The following EIF2AK2 variants were observed in gnomAD, a reference collection of about 807,000 sequenced individuals.
EIF2AK2 encodes the protein interferon-induced, double-stranded RNA-activated protein kinase.
EIF2AK2 carries 40 observed loss-of-function variants against 70.5 expected under a neutral mutation model. That is an observed-to-expected ratio of 0.57 (90% CI 0.44 to 0.74). The LOEUF is 0.74. EIF2AK2 is among the 30% of genes least tolerant of loss of function. EIF2AK2 has a pLI of 0.00. For missense variants in EIF2AK2, 555 were observed against 644.3 expected (o/e 0.86, Z 1.50); for synonymous variants, 198 against 220.9 (o/e 0.90, Z 0.92).
intron 1 of EIF2AK2, among the ~76,000 whole-genome samples, chr2:37,155,897 T>C (rs1271048930): frequency 2.0e-5 from 3 of 146,802 alleles, no homozygotes; most frequent in Non-Finnish European, 4.5e-5. Flanking sequence ...GCCCAGATCG[T>C]GCCACTGCAT....
chr2:37,111,157 T>C (rs1193217306), intron 14 of EIF2AK2, among the ~76,000 whole-genome samples: 2 of 152,032 alleles, frequency 1.3e-5, no homozygotes, highest in Non-Finnish European at 2.9e-5. Flanking sequence ...GAGAGGAGAA[T>C]AGGAGTTCTT....
At chr2:37,137,617 A>ACTTTTTT (rs1675173003) in intron 8 of EIF2AK2, among the ~76,000 whole-genome samples, 3 of 152,226 alleles carry the variant, frequency 2.0e-5, no homozygotes, top group Non-Finnish European at 4.4e-5. Flanking sequence ...CTAAAAAATT[A>ACTTTTTT]TCTGATTTCA....
intron 10 of EIF2AK2, among the ~76,000 whole-genome samples, chr2:37,129,932 G>A (rs945967667): frequency 6.6e-6 from 1 of 152,060 alleles, no homozygotes; most frequent in Non-Finnish European, 1.5e-5. Context: ...CCTCAGCCCT[G>A]TAAATCCCAT....
intron 14 of EIF2AK2, among the ~76,000 whole-genome samples, chr2:37,110,554 G>A (rs185007435): frequency 5.9e-5 from 9 of 152,306 alleles, no homozygotes; most frequent in Admixed American, 5.9e-4. Flanking sequence ...GGCCTATTGT[G>A]TTCTATATTT....
At chr2:37,112,103 G>C (rs1257246433) in intron 14 of EIF2AK2, among the ~76,000 whole-genome samples, 1 of 151,674 alleles carries the variant, frequency 6.6e-6, no homozygotes. Context: ...ATGATGTTTA[G>C]TGATGTATGC....
chr2:37,118,515 G>C (rs1242715687), intron 13 of EIF2AK2, among the ~76,000 whole-genome samples: 2 of 152,070 alleles, frequency 1.3e-5, no homozygotes, highest in South Asian at 4.1e-4. Context: ...AGGACTAGGA[G>C]CTTAATGCCT....
At chr2:37,130,865 C>T (rs1478771268) in intron 10 of EIF2AK2, among the ~76,000 whole-genome samples, 1 of 152,208 alleles carries the variant, frequency 6.6e-6, no homozygotes, top group Non-Finnish European at 1.5e-5. Context: ...ATTCAACACA[C>T]AGCCAGGCTT....
chr2:37,117,280 G>C (rs1056834917), intron 13 of EIF2AK2, among the ~76,000 whole-genome samples: 2 of 151,616 alleles, frequency 1.3e-5, no homozygotes, highest in Admixed American at 1.3e-4. Flanking sequence ...GCTCATGCCT[G>C]TAATCCCAAC....
rs189434642 is a variant in EIF2AK2 at position 37,104,196 on chromosome 2, T to C, written c.*3077A>G. The C allele has an allele frequency of 6.6e-6, 1 of 151,936 alleles. No individual in the cohort carries two copies. The highest frequency in any genetic ancestry group is 1.5e-5 in the Non-Finnish European group (1 of 67,984). The allele number at this position is 151,936 out of a possible 1,614,324, so 9.4% of individuals were successfully genotyped here. A position where few individuals can be genotyped will look rare whatever the true frequency, so the allele number is the denominator to read the frequency against. On this transcript the variant is annotated 3_prime_UTR_variant, in exon 17 of 17. Transcript: ENST00000233057. ...ACAAAACAAAAAGACATTTTCTACA[T>C]ATACTATTATCACACCTGAGAAAAC...
At chr2:37,156,308 A>G (rs1460583455) in intron 1 of EIF2AK2, among the ~76,000 whole-genome samples, 1 of 152,150 alleles carries the variant, frequency 6.6e-6, no homozygotes, top group Non-Finnish European at 1.5e-5. Flanking sequence ...TTCTGATGAG[A>G]CAGGAAAGCT....
chr2:37,151,879 C>T (rs1573044263), intron 1 of EIF2AK2, among the ~76,000 whole-genome samples: 1 of 152,200 alleles, frequency 6.6e-6, no homozygotes, highest in African/African-American at 2.4e-5. Flanking sequence ...GAGATCGAGA[C>T]CACGGTGAAA....
chr2:37,127,014 T>A lies in EIF2AK2; in HGVS notation c.786-603A>T, dbSNP rs4648208. The stretch of plus-strand genomic sequence containing the variant: ...AAAAAAAAAAAAGCCATGATAAAAA[T>A]CCTATCACAAATACAAAATGTTCAA... On this transcript the variant is annotated intron_variant, in intron 10 of 16. Transcript: ENST00000233057. Among the ~76,000 whole-genome samples, 273 of 66,980 alleles carry A rather than the reference T, an allele frequency of 4.1e-3. 3 individuals are homozygous for A. In the East Asian group the frequency reaches 0.075, roughly 18 times the overall value. The allele number at this position is 66,980 out of a possible 152,430, so 43.9% of individuals were successfully genotyped here.
intron 1 of EIF2AK2, among the ~76,000 whole-genome samples, chr2:37,154,325 CAA>C (rs72236179): frequency 7.2e-6 from 1 of 139,588 alleles, no homozygotes; most frequent in Non-Finnish European, 1.6e-5. Context: ...AACTCCGTCT[CAA>C]AAAAAAAAAC....
intron 12 of EIF2AK2, among the ~76,000 whole-genome samples, chr2:37,121,249 C>T (rs140607671): frequency 0.049 from 5,114 of 104,470 alleles, 265 homozygotes; most frequent in Middle Eastern, 0.13. Context: ...TGCGACAGTG[C>T]GAGACACCGT....
In EIF2AK2 at chr2:37,109,784, A is replaced by G. The variant is rs4648238; in HGVS notation, c.1378-489T>C. ...GGTATGAGCAACAAAGTTTTTCCAGAAGATATTATTTTGAATGAAGAAATT... is the reference window on the plus strand; with the variant it reads ...GGTATGAGCAACAAAGTTTTTCCAGGAGATATTATTTTGAATGAAGAAATT... On this transcript the variant is annotated intron_variant, in intron 14 of 16. Coordinates refer to ENST00000233057, the MANE Select transcript of EIF2AK2 (RefSeq NM_001135651.3). Among the ~76,000 whole-genome samples, 21 of 152,324 alleles carry G rather than the reference A, an allele frequency of 1.4e-4. No individual in the cohort carries two copies. In the East Asian group the frequency reaches 4.0e-3, roughly 29 times the overall value.
At position 37,141,570 on chromosome 2, in the gene EIF2AK2, C is replaced by T. The variant is rs1311846413; in HGVS notation, c.372G>A (p.Gly124=). 2 of 1,613,372 alleles carry T rather than the reference C, an allele frequency of 1.2e-6. No homozygotes were observed. Among genetic ancestry groups the T allele is most frequent in the Non-Finnish European group, 8.5e-7 (1 of 1,179,830 alleles). ...TGTCTTACCCTTCTGGCCCATGCAC[C>T]CCCGATGCACACTGTTCATAATTTA... ...LTVNYEQCAS[G]VHGPEGFHYK... Residue 124 remains glycine, a synonymous_variant, in exon 5 of 17, where the codon GGG becomes GGA. Transcript: ENST00000233057.
At chr2:37,140,733 T>C (rs1309324213) in intron 5 of EIF2AK2, among the ~76,000 whole-genome samples, 1 of 152,248 alleles carries the variant, frequency 6.6e-6, no homozygotes, top group Non-Finnish European at 1.5e-5. Context: ...GATTCACTTT[T>C]GACTATTTCA....
chr2:37,110,581 C>T (rs1174139431), intron 14 of EIF2AK2, among the ~76,000 whole-genome samples: 1 of 152,128 alleles, frequency 6.6e-6, no homozygotes, highest in Non-Finnish European at 1.5e-5. Flanking sequence ...CCAACTGGCT[C>T]CCCAAAAGGA....
At position 37,147,803 on chromosome 2, in the gene EIF2AK2, C is replaced by A; in HGVS notation, c.4G>T (p.Ala2Ser). 1 of 1,610,030 alleles carries A rather than the reference C, an allele frequency of 6.2e-7. No individual in the cohort carries two copies. The highest frequency in any genetic ancestry group is 8.5e-7 in the Non-Finnish European group (1 of 1,176,870). Residue 2 changes from alanine to serine, a missense_variant, in exon 3 of 17, where the codon GCT becomes TCT. Around this residue, in one of 3 missense-constraint regions of EIF2AK2, gnomAD observed 48 missense variants for 77.1 expected, o/e 0.62. Transcript: ENST00000233057. Reference protein sequence around the residue: MAGDLSAGFFME... With the variant: MSGDLSAGFFME... ...AAGAAACCTGCTGAAAGATCACCAG[C>A]CATTTCTTCTTCCCGTATCCTACAA...
Sources: allele counts gnomAD v4.1 joint callset (sites outside exome capture counted in the v4.1 genomes callset), GRCh38; gene constraint gnomAD v4.1.1; regional missense constraint gnomAD v4.1.1; transcripts MANE v1.5; gene names NCBI Gene and HGNC (gene_info 2026-07-23, HGNC 2026-07-21).